The following CTNND2 variants were observed in gnomAD, a reference collection of about 807,000 sequenced individuals.
The protein encoded by CTNND2 is catenin delta-2.
CTNND2 carries 22 observed loss-of-function variants against 144.4 expected under a neutral mutation model. The observed-to-expected ratio is 0.15, with a 90% CI of 0.11 to 0.22. The LOEUF is 0.22. CTNND2 is among the 10% of genes least tolerant of loss of function. The pLI, the probability that CTNND2 is intolerant of heterozygous loss-of-function variation, is 1.00. For synonymous variants in CTNND2, 751 were observed against 695.6 expected, an observed-to-expected ratio of 1.08 and a Z score of -1.25; for missense variants, 1,353 against 1,618.8, an observed-to-expected ratio of 0.84 and a Z score of 2.82.
At chr5:11,605,623 G>T (rs1780004273) in intron 2 of CTNND2, among the ~76,000 whole-genome samples, 1 of 152,092 alleles carries the variant, frequency 6.6e-6, no homozygotes, top group African/African-American at 2.4e-5. Flanking sequence ...ACCCTATCTA[G>T]AATAATAGGA....
intron 3 of CTNND2, among the ~76,000 whole-genome samples, chr5:11,439,437 C>T (rs10043414): frequency 0.081 from 12,320 of 152,160 alleles, 551 homozygotes; most frequent in South Asian, 0.11. Flanking sequence ...CCCTTTCACT[C>T]CTTTAGTTTT....
chr5:11,302,549 TA>T (rs1749727186), intron 9 of CTNND2, among the ~76,000 whole-genome samples: 1 of 152,120 alleles, frequency 6.6e-6, no homozygotes, highest in Admixed American at 6.5e-5. Context: ...CATGTGGGAT[TA>T]AGAATTGAGC....
chr5:11,775,187 A>C (rs984072084), intron 1 of CTNND2, among the ~76,000 whole-genome samples: 4 of 152,214 alleles, frequency 2.6e-5, no homozygotes, highest in African/African-American at 9.6e-5. Context: ...AAGATGATAG[A>C]ATTTTAGTAC....
At chr5:11,630,342 T>A (rs6875817) in intron 2 of CTNND2, among the ~76,000 whole-genome samples, 1 of 152,016 alleles carries the variant, frequency 6.6e-6, no homozygotes, top group African/African-American at 2.4e-5. Context: ...CTGGGCAACA[T>A]GCAGACTGAA....
intron 2 of CTNND2, among the ~76,000 whole-genome samples, chr5:11,605,155 A>G (rs1175488583): frequency 6.6e-6 from 1 of 152,234 alleles, no homozygotes; most frequent in East Asian, 1.9e-4. Context: ...TCAAGGGCTC[A>G]GTGAGATGCA....
At chr5:11,557,771 G>A (rs1776349805) in intron 3 of CTNND2, among the ~76,000 whole-genome samples, 2 of 152,104 alleles carry the variant, frequency 1.3e-5, no homozygotes, top group African/African-American at 4.8e-5. Flanking sequence ...CTGATGACGG[G>A]AATCTTGCTG....
chr5:11,141,481 C>T (rs757371439), intron 12 of CTNND2, among the ~76,000 whole-genome samples: 4 of 151,984 alleles, frequency 2.6e-5, no homozygotes, highest in East Asian at 1.9e-4. Flanking sequence ...CTTTGGAAGG[C>T]GTCTTCAGTA....
chr5:11,575,208 T>C (rs1777884899), intron 2 of CTNND2, among the ~76,000 whole-genome samples: 1 of 152,180 alleles, frequency 6.6e-6, no homozygotes, highest in Admixed American at 6.6e-5. Flanking sequence ...GGCACCATGC[T>C]TTTGCATTAT....
At chr5:11,717,240 C>T (rs1388139637) in intron 2 of CTNND2, among the ~76,000 whole-genome samples, 1 of 152,002 alleles carries the variant, frequency 6.6e-6, no homozygotes, top group East Asian at 1.9e-4. Flanking sequence ...AAATGAGTTT[C>T]ACCTTACTCA....
At chr5:11,038,741 A>G (rs192902702) in intron 16 of CTNND2, among the ~76,000 whole-genome samples, 3 of 152,296 alleles carry the variant, frequency 2.0e-5, no homozygotes, top group Admixed American at 2.0e-4. Flanking sequence ...CCACAAAACA[A>G]AAGTTAACCC....
At chr5:11,206,154 T>G (rs1435652462) in intron 10 of CTNND2, among the ~76,000 whole-genome samples, 4 of 152,176 alleles carry the variant, frequency 2.6e-5, no homozygotes, top group Non-Finnish European at 2.9e-5. Context: ...TATGTGATAG[T>G]GAAAGGAATA....
intron 1 of CTNND2, among the ~76,000 whole-genome samples, chr5:11,763,931 T>A (rs1354232305): frequency 6.6e-6 from 1 of 151,404 alleles, no homozygotes; most frequent in African/African-American, 2.5e-5. Context: ...CCCAAGGATA[T>A]CCAAATTCCA....
intron 2 of CTNND2, among the ~76,000 whole-genome samples, chr5:11,664,048 C>A (rs1168928307): frequency 6.6e-6 from 1 of 152,140 alleles, no homozygotes; most frequent in Non-Finnish European, 1.5e-5. Flanking sequence ...CTACAGGGAA[C>A]TTAACACAAA....
At chr5:11,139,036 A>G (rs565215836) in intron 12 of CTNND2, among the ~76,000 whole-genome samples, 1 of 152,024 alleles carries the variant, frequency 6.6e-6, no homozygotes, top group Admixed American at 6.6e-5. Context: ...TCTTGGCTCA[A>G]TGCAACCTCT....
chr5:11,102,288 CA>C (rs1751978604), intron 14 of CTNND2, among the ~76,000 whole-genome samples: 2 of 152,096 alleles, frequency 1.3e-5, no homozygotes, highest in Admixed American at 6.5e-5. Flanking sequence ...GAAAACAGAC[CA>C]AAGGATATAT....
intron 16 of CTNND2, among the ~76,000 whole-genome samples, chr5:11,057,080 A>G (rs1746419882): frequency 6.6e-6 from 1 of 152,198 alleles, no homozygotes; most frequent in Non-Finnish European, 1.5e-5. Flanking sequence ...AGAAAATCAC[A>G]TGCTTTTGCC....
intron 3 of CTNND2, among the ~76,000 whole-genome samples, chr5:11,490,058 A>G (rs910511926): frequency 6.6e-6 from 1 of 152,212 alleles, no homozygotes; most frequent in Non-Finnish European, 1.5e-5. Flanking sequence ...GGTGCAGGCA[A>G]ACCTCATGAT....
At chr5:11,299,498 C>T (rs1749355706) in intron 9 of CTNND2, among the ~76,000 whole-genome samples, 1 of 152,082 alleles carries the variant, frequency 6.6e-6, no homozygotes, top group Admixed American at 6.5e-5. Flanking sequence ...TGAGGTACAC[C>T]CAAGGAGCAG....
intron 9 of CTNND2, among the ~76,000 whole-genome samples, chr5:11,304,262 TTTCA>T (rs1749929130): frequency 6.6e-6 from 1 of 151,980 alleles, no homozygotes; most frequent in Admixed American, 6.6e-5. Context: ...GCACAAACCG[TTTCA>T]TTATTTTTTA....
Sources: gnomAD v4.1 joint callset for allele counts (sites outside exome capture counted in the v4.1 genomes callset) on GRCh38, gnomAD v4.1.1 for gene constraint, MANE v1.5 for transcripts, NCBI Gene and HGNC (gene_info 2026-07-23, HGNC 2026-07-21) for gene names.